Variants in FSIP1 observed in about 807,000 individuals in gnomAD.
FSIP1 encodes fibrous sheath interacting protein 1, also known as fibrous sheath-interacting protein 1.
In FSIP1, 65 loss-of-function variants were observed where a neutral mutation model predicts 60.9. The ratio of observed to expected loss-of-function variants is 1.07; its 90% CI spans 0.87 to 1.31. The LOEUF is 1.31. FSIP1 is among the 40% of genes most tolerant of loss of function. The pLI is 0.00. For missense variants in FSIP1, 675 were observed against 665.5 expected, an observed-to-expected ratio of 1.01 and a Z score of -0.16; for synonymous variants, 209 against 221.2, an observed-to-expected ratio of 0.94 and a Z score of 0.49.
chr15:39,611,209 C>G (rs958489484), intron 11 of FSIP1, among the ~76,000 whole-genome samples: 1 of 151,886 alleles, frequency 6.6e-6, no homozygotes, highest in Non-Finnish European at 1.5e-5. Context: ...AAATTTACAT[C>G]TAAATCATAA....
At chr15:39,750,625 C>T (rs1897134999) in intron 5 of FSIP1, among the ~76,000 whole-genome samples, 1 of 151,906 alleles carries the variant, frequency 6.6e-6, no homozygotes, top group African/African-American at 2.4e-5. Context: ...ACCTCATACA[C>T]AAAAATCAAC....
intron 10 of FSIP1, among the ~76,000 whole-genome samples, chr15:39,622,982 T>G (rs1891498151): frequency 6.6e-6 from 1 of 152,062 alleles, no homozygotes; most frequent in Admixed American, 6.5e-5. Flanking sequence ...GTATGTTTTA[T>G]GCAAACATAT....
intron 11 of FSIP1, among the ~76,000 whole-genome samples, chr15:39,611,236 G>C (rs75842101): frequency 0.13 from 19,896 of 151,716 alleles, 1,493 homozygotes; most frequent in Non-Finnish European, 0.17. Context: ...TCGGGGGGAG[G>C]GCGTTAAAGT....
At chr15:39,704,840 A>T (rs913079015) in intron 10 of FSIP1, among the ~76,000 whole-genome samples, 12 of 152,348 alleles carry the variant, frequency 7.9e-5, no homozygotes, top group Middle Eastern at 3.4e-3. Flanking sequence ...AAATGAGAGG[A>T]TTTATCATCC....
chr15:39,645,456 G>GC (rs766077052), intron 10 of FSIP1, among the ~76,000 whole-genome samples: 28 of 152,104 alleles, frequency 1.8e-4, no homozygotes, highest in Non-Finnish European at 3.4e-4. Context: ...CCTGGGTGAG[G>GC]CTACAGGCCA....
At position 39,600,838 on chromosome 15, in the gene FSIP1, T is replaced by G; in HGVS notation, c.*42A>C. The G allele has an allele frequency of 6.6e-7, 1 of 1,509,394 alleles. No individual in the cohort carries two copies. The highest frequency in any genetic ancestry group is 9.1e-7 in the Non-Finnish European group (1 of 1,101,054). The allele number at this position is 1,509,394 out of a possible 1,614,324, so 93.5% of individuals were successfully genotyped here. The stretch of plus-strand genomic sequence containing the variant: ...ATTCAATAAGAAATTTAATTTAACT[T>G]CATTACCAACTTTCTGAAAAGCACA... On this transcript the variant is annotated 3_prime_UTR_variant, in exon 12 of 12. Transcript: ENST00000350221.
At chr15:39,623,105 G>C (rs1159609942) in intron 10 of FSIP1, among the ~76,000 whole-genome samples, 1 of 151,712 alleles carries the variant, frequency 6.6e-6, no homozygotes, top group African/African-American at 2.4e-5. Context: ...TGATGTAGAA[G>C]CTAAATTTGA....
At chr15:39,749,479 G>C (rs989607589) in intron 5 of FSIP1, among the ~76,000 whole-genome samples, 2 of 151,956 alleles carry the variant, frequency 1.3e-5, no homozygotes, top group Non-Finnish European at 2.9e-5. Context: ...GATCAAGTGG[G>C]ATTTATCCCT....
At chr15:39,756,235 G>C (rs914948706) in intron 5 of FSIP1, among the ~76,000 whole-genome samples, 2 of 152,092 alleles carry the variant, frequency 1.3e-5, no homozygotes, top group East Asian at 1.9e-4. Flanking sequence ...TCCAACCACA[G>C]TTATTTTCTT....
chr15:39,764,433 T>C (rs1036514480), intron 4 of FSIP1, among the ~76,000 whole-genome samples: 3 of 152,190 alleles, frequency 2.0e-5, no homozygotes, highest in African/African-American at 7.2e-5. Context: ...GGGAACCTCA[T>C]AAAAATGTAT....
At position 39,640,548 on chromosome 15, in the gene FSIP1, G is replaced by A. The variant is rs113518527; in HGVS notation, c.1189-22303C>T. On this transcript the variant is annotated intron_variant, in intron 10 of 11. Coordinates refer to ENST00000350221, the MANE Select transcript of FSIP1 (RefSeq NM_152597.5). ...TGAGTGCCTTGCCCCGGGTCGCAGC[G>A]GAAAGAAAACTTCTTTTGTTCCACA... Among the ~76,000 whole-genome samples the A allele has an allele frequency of 7.1e-3, 1,078 of 152,128 alleles. 16 individuals are homozygous for A. The highest frequency in any genetic ancestry group is 0.024 in the African/African-American group (1,010 of 41,494).
rs148219274 is a variant in FSIP1 at position 39,615,810 on chromosome 15, A to G, written c.1699+1925T>C. 5.3e-3 allele frequency among the ~76,000 whole-genome samples: 808 copies of G among 152,208 alleles called. 8 individuals are homozygous for G. The highest frequency in any genetic ancestry group is 0.019 in the African/African-American group (778 of 41,510). The stretch of plus-strand genomic sequence containing the variant: ...AGTGGCTGGGGGATGAAGAGGGGGA[A>G]AAAGGGAATGGAGAGTTGTTGGCTA... On this transcript the variant is annotated intron_variant, in intron 11 of 11. Coordinates refer to ENST00000350221, the MANE Select transcript of FSIP1 (RefSeq NM_152597.5).
At chr15:39,707,805 T>C (rs1895338830) in intron 10 of FSIP1, among the ~76,000 whole-genome samples, 1 of 151,994 alleles carries the variant, frequency 6.6e-6, no homozygotes, top group African/African-American at 2.4e-5. Context: ...AGCTACTAAG[T>C]GAGATTCAAA....
chr15:39,777,008 C>T lies in FSIP1; in HGVS notation c.-7-477G>A, dbSNP rs75434778. ...TGTCGCGATCTTGGCTCCCTGCAAC[C>T]TCTGCCTCCCAGGTTCAAGCAATTC... On this transcript the variant is annotated intron_variant, in intron 1 of 11. Transcript: ENST00000350221. 4.2e-4 allele frequency among the ~76,000 whole-genome samples: 64 copies of T among 152,220 alleles called. No individual in the cohort carries two copies. In the East Asian group the frequency reaches 8.7e-3, roughly 21 times the overall value.
chr15:39,611,208 T>C (rs560885547), intron 11 of FSIP1, among the ~76,000 whole-genome samples: 3 of 152,188 alleles, frequency 2.0e-5, no homozygotes, highest in Non-Finnish European at 4.4e-5. Context: ...AAAATTTACA[T>C]CTAAATCATA....
chr15:39,766,158 A>G (rs1284327863), intron 3 of FSIP1, among the ~76,000 whole-genome samples: 1 of 152,256 alleles, frequency 6.6e-6, no homozygotes, highest in African/African-American at 2.4e-5. Flanking sequence ...TAACTGAAAG[A>G]GAAGGCGTGT....
At chr15:39,697,613 G>A (rs900478373) in intron 10 of FSIP1, among the ~76,000 whole-genome samples, 9 of 152,082 alleles carry the variant, frequency 5.9e-5, no homozygotes, top group South Asian at 2.1e-4. Flanking sequence ...GTCTTCGCTC[G>A]TCACTCCCAA....
At chr15:39,600,981 T>C in intron 11 of FSIP1, 55 bp from the exon 12 acceptor site, 1 of 1,399,492 alleles carries the variant, frequency 7.1e-7, no homozygotes. Flanking sequence ...GTATGCATAA[T>C]TAAGAAAAAC....
intron 10 of FSIP1, among the ~76,000 whole-genome samples, chr15:39,627,197 TGCACTTGCCTGCTGCCGGGCTGA>T (rs1198683232): frequency 1.3e-5 from 2 of 152,170 alleles, no homozygotes; most frequent in Non-Finnish European, 2.9e-5. Context: ...TCCAGACCTG[TGCACTTGCCTGCTGCCGGGCTGA>T]GCACTTGCCT....
Sources: gnomAD v4.1 joint callset for allele counts (sites outside exome capture counted in the v4.1 genomes callset) on GRCh38, gnomAD v4.1.1 for gene constraint, MANE v1.5 for transcripts, NCBI Gene and HGNC (gene_info 2026-07-23, HGNC 2026-07-21) for gene names.